The following TNRC6A variants were observed in gnomAD, a reference collection of about 807,000 sequenced individuals.
TNRC6A encodes trinucleotide repeat containing adaptor 6A.
In TNRC6A, 44 loss-of-function variants were observed where a neutral mutation model predicts 221.2. The ratio of observed to expected loss-of-function variants is 0.20; its 90% CI spans 0.16 to 0.26. The LOEUF (loss-of-function observed/expected upper bound fraction) is 0.26, where lower values mean the gene tolerates loss of function less well. Ranked by LOEUF, TNRC6A falls within the 10% of genes least tolerant of loss-of-function variation. TNRC6A has a pLI of 1.00. For synonymous variants in TNRC6A, 847 were observed against 838.5 expected (o/e 1.01, Z -0.18); for missense variants, 2,199 against 2,404.4 (o/e 0.91, Z 1.79).
Position 24,809,548 on chromosome 16 carries a change from G to A in TNRC6A, c.4672+67G>A, listed in dbSNP as rs1260653704. The A allele has an allele frequency of 8.7e-6, 12 of 1,379,020 alleles. No homozygotes were observed. In the South Asian group the frequency reaches 1.0e-4, roughly 12 times the overall value. 85.4% of individuals were successfully genotyped at this position (1,379,020 alleles called of 1,614,324 possible). A position where few individuals can be genotyped will look rare whatever the true frequency, so the allele number is the denominator to read the frequency against. On this transcript the variant is annotated intron_variant, in intron 18 of 24. Transcript: ENST00000395799. ...CACACCTGCAGAATACTAGATTTAGGCCTTTATTTTATTTTAAATGTGTTT... is the reference window on the plus strand; with the variant it reads ...CACACCTGCAGAATACTAGATTTAGACCTTTATTTTATTTTAAATGTGTTT...
chr16:24,664,535 A>C (rs552106653), intron 2 of TNRC6A, among the ~76,000 whole-genome samples: 30 of 143,060 alleles, frequency 2.1e-4, no homozygotes, highest in Admixed American at 9.4e-4. Flanking sequence ...TAATATATAT[A>C]TTTTTAAAAT....
chr16:24,764,532 A>C (rs1264187149), intron 4 of TNRC6A, among the ~76,000 whole-genome samples: 1 of 152,034 alleles, frequency 6.6e-6, no homozygotes, highest in African/African-American at 2.4e-5. Context: ...CATGTTGTCC[A>C]GGCTGGTCTC....
intron 22 of TNRC6A, among the ~76,000 whole-genome samples, chr16:24,821,620 G>A (rs1231788989): frequency 6.6e-6 from 1 of 152,196 alleles, no homozygotes; most frequent in Non-Finnish European, 1.5e-5. Context: ...AGGAAGGCCA[G>A]ATGGGGAGCC....
chr16:24,642,628 G>A (rs369931416), intron 2 of TNRC6A, among the ~76,000 whole-genome samples: 6 of 151,916 alleles, frequency 3.9e-5, no homozygotes, highest in South Asian at 4.1e-4. Flanking sequence ...GACCAGCCTC[G>A]CCAACATGGC....
intron 2 of TNRC6A, among the ~76,000 whole-genome samples, chr16:24,745,060 A>G (rs1327413984): frequency 1.3e-5 from 2 of 152,176 alleles, no homozygotes; most frequent in African/African-American, 2.4e-5. Flanking sequence ...GTATTTGCAG[A>G]TAATTGTCAG....
At chr16:24,635,526 G>A (rs778783297) in intron 1 of TNRC6A, among the ~76,000 whole-genome samples, 1 of 151,964 alleles carries the variant, frequency 6.6e-6, no homozygotes, top group African/African-American at 2.4e-5. Flanking sequence ...CAAGTAATTC[G>A]CCTGCCTTGG....
chr16:24,744,731 AG>A (rs1368070282), intron 2 of TNRC6A, among the ~76,000 whole-genome samples: 1 of 152,198 alleles, frequency 6.6e-6, no homozygotes, highest in Non-Finnish European at 1.5e-5. Context: ...AGCTAAGCTA[AG>A]AAATATACAG....
At chr16:24,711,870 G>A (rs1451403970) in intron 2 of TNRC6A, among the ~76,000 whole-genome samples, 3 of 150,988 alleles carry the variant, frequency 2.0e-5, no homozygotes, top group East Asian at 1.9e-4. Context: ...TATGTTGCCC[G>A]GGCTAGTCTC....
chr16:24,635,522 A>T (rs1003389499), intron 1 of TNRC6A, among the ~76,000 whole-genome samples: 2 of 152,106 alleles, frequency 1.3e-5, no homozygotes, highest in African/African-American at 4.8e-5. Flanking sequence ...ACCTCAAGTA[A>T]TTCGCCTGCC....
intron 4 of TNRC6A, among the ~76,000 whole-genome samples, chr16:24,772,590 G>T (rs559696263): frequency 6.6e-6 from 1 of 151,984 alleles, no homozygotes; most frequent in African/African-American, 2.4e-5. Flanking sequence ...TTCGAGACCA[G>T]CCTGGCCAAT....
intron 4 of TNRC6A, among the ~76,000 whole-genome samples, chr16:24,772,751 C>G (rs1272533650): frequency 6.6e-6 from 1 of 152,158 alleles, no homozygotes; most frequent in African/African-American, 2.4e-5. Context: ...CCACAGCACT[C>G]CAGCCTGAGC....
At chr16:24,651,611 C>T (rs1902666344) in intron 2 of TNRC6A, among the ~76,000 whole-genome samples, 1 of 149,244 alleles carries the variant, frequency 6.7e-6, no homozygotes. Flanking sequence ...GTAATCCCAG[C>T]ACTTTGGGAG....
chr16:24,787,356 AT>A (rs1413937319), intron 5 of TNRC6A, among the ~76,000 whole-genome samples: 1 of 152,040 alleles, frequency 6.6e-6, no homozygotes, highest in African/African-American at 2.4e-5. Context: ...TTCTCACTTA[AT>A]TTTCCATAAA....
chr16:24,701,942 T>G (rs1473115458), intron 2 of TNRC6A, among the ~76,000 whole-genome samples: 1 of 151,658 alleles, frequency 6.6e-6, no homozygotes, highest in Non-Finnish European at 1.5e-5. Flanking sequence ...CATCTCACAC[T>G]CCTATAAAGA....
At chr16:24,782,114 G>C (rs555947361) in intron 5 of TNRC6A, among the ~76,000 whole-genome samples, 1 of 152,104 alleles carries the variant, frequency 6.6e-6, no homozygotes, top group Non-Finnish European at 1.5e-5. Context: ...GAGCCACCGC[G>C]CCCGGCCAAT....
At chr16:24,622,777 A>G (rs1349777364) in intron 1 of TNRC6A, among the ~76,000 whole-genome samples, 1 of 152,214 alleles carries the variant, frequency 6.6e-6, no homozygotes, top group Non-Finnish European at 1.5e-5. Context: ...ACATAGCACA[A>G]ATGGCAATAA....
chr16:24,733,851 G>T (rs553962291), intron 2 of TNRC6A, among the ~76,000 whole-genome samples: 1 of 152,190 alleles, frequency 6.6e-6, no homozygotes, highest in Non-Finnish European at 1.5e-5. Context: ...GGCAAGAAGC[G>T]ATGGAGGCCT....
intron 2 of TNRC6A, among the ~76,000 whole-genome samples, chr16:24,735,283 GAA>G (rs937755381): frequency 1.3e-5 from 2 of 152,110 alleles, no homozygotes; most frequent in African/African-American, 4.8e-5. Context: ...TGTTTCGAAA[GAA>G]AGAAAAGAAA....
intron 2 of TNRC6A, among the ~76,000 whole-genome samples, chr16:24,657,707 T>TC (rs988827594): frequency 1.3e-5 from 1 of 74,408 alleles, no homozygotes; most frequent in African/African-American, 4.4e-5. Flanking sequence ...AAGCTCCATC[T>TC]CAAAAAAAAA....
Sources: allele counts gnomAD v4.1 joint callset (sites outside exome capture counted in the v4.1 genomes callset), GRCh38; gene constraint gnomAD v4.1.1; transcripts MANE v1.5; gene names NCBI Gene and HGNC (gene_info 2026-07-23, HGNC 2026-07-21).